The following KCNH1 variants were observed in gnomAD, a reference collection of about 807,000 sequenced individuals.
The protein encoded by KCNH1 is voltage-gated delayed rectifier potassium channel KCNH1.
In KCNH1, 27 loss-of-function variants were observed where a neutral mutation model predicts 69.2. The ratio of observed to expected loss-of-function variants is 0.39; its 90% CI spans 0.29 to 0.54. KCNH1 has a LOEUF of 0.54. KCNH1 is among the 20% of genes least tolerant of loss of function. The pLI, the probability that KCNH1 is intolerant of heterozygous loss-of-function variation, is 0.68. For missense variants in KCNH1, 798 were observed against 1,261.6 expected (o/e 0.63, Z 5.57); for synonymous variants, 456 against 487.7 (o/e 0.93, Z 0.86).
At chr1:211,088,721 A>G (rs1052065909) in intron 4 of KCNH1, among the ~76,000 whole-genome samples, 10 of 152,196 alleles carry the variant, frequency 6.6e-5, no homozygotes, top group Admixed American at 2.0e-4. Flanking sequence ...TTTATGAATC[A>G]AGCCACAAGT....
chr1:210,845,663 T>C (rs1685526381), intron 7 of KCNH1, among the ~76,000 whole-genome samples: 1 of 152,142 alleles, frequency 6.6e-6, no homozygotes, highest in African/African-American at 2.4e-5. Flanking sequence ...CTTTCAAAAC[T>C]GGCACAACAC....
intron 7 of KCNH1, among the ~76,000 whole-genome samples, chr1:210,902,605 T>C (rs1463430281): frequency 1.3e-5 from 2 of 152,154 alleles, no homozygotes; most frequent in Non-Finnish European, 2.9e-5. Flanking sequence ...TGGCTGAAAG[T>C]GGTGGTTTCA....
chr1:210,694,057 C>G (rs1456114205), intron 10 of KCNH1, among the ~76,000 whole-genome samples: 1 of 152,180 alleles, frequency 6.6e-6, no homozygotes, highest in Non-Finnish European at 1.5e-5. Context: ...ATCTTTGAAC[C>G]TCTCCCTACT....
chr1:210,709,854 C>T (rs1031135366), intron 10 of KCNH1, among the ~76,000 whole-genome samples: 3 of 152,116 alleles, frequency 2.0e-5, no homozygotes, highest in Admixed American at 6.5e-5. Context: ...AGATACTATT[C>T]GTCTGTACCG....
intron 10 of KCNH1, among the ~76,000 whole-genome samples, chr1:210,703,936 C>CAAAG (rs1681842073): frequency 6.6e-6 from 1 of 152,146 alleles, no homozygotes; most frequent in African/African-American, 2.4e-5. Context: ...TGTCAGTATT[C>CAAAG]AAAGATGGTG....
At chr1:211,015,593 G>A (rs1571580280) in intron 6 of KCNH1, among the ~76,000 whole-genome samples, 1 of 152,174 alleles carries the variant, frequency 6.6e-6, no homozygotes, top group Non-Finnish European at 1.5e-5. Context: ...TAAGCTTCTG[G>A]AGGTAAGACT....
At chr1:210,904,735 C>T (rs1482148255) in intron 7 of KCNH1, among the ~76,000 whole-genome samples, 1 of 152,138 alleles carries the variant, frequency 6.6e-6, no homozygotes, top group South Asian at 2.1e-4. Context: ...AGCAATAACT[C>T]CAGCAGTTAT....
At chr1:211,091,229 T>G (rs1212880898) in intron 3 of KCNH1, among the ~76,000 whole-genome samples, 1 of 152,194 alleles carries the variant, frequency 6.6e-6, no homozygotes, top group Non-Finnish European at 1.5e-5. Context: ...ACTCCCAGGC[T>G]GGAGTACAAT....
chr1:210,737,821 A>G (rs1014128110), intron 10 of KCNH1, among the ~76,000 whole-genome samples: 1 of 152,226 alleles, frequency 6.6e-6, no homozygotes, highest in East Asian at 1.9e-4. Context: ...ACTTAGACTA[A>G]GTCACCATTG....
intron 7 of KCNH1, among the ~76,000 whole-genome samples, chr1:210,863,927 G>A (rs1046741773): frequency 1.3e-5 from 2 of 152,166 alleles, no homozygotes; most frequent in African/African-American, 2.4e-5. Flanking sequence ...TGGAGCTCCC[G>A]ATCATACAAG....
chr1:211,074,097 TAAAAAAAAA>T (rs59971801), intron 5 of KCNH1, among the ~76,000 whole-genome samples: 24 of 119,736 alleles, frequency 2.0e-4, no homozygotes, highest in South Asian at 2.8e-4. Flanking sequence ...TTCCACCAAT[TAAAAAAAAA>T]AAAAAAAAAA....
intron 6 of KCNH1, among the ~76,000 whole-genome samples, chr1:211,012,304 C>T (rs1571577386): frequency 6.6e-6 from 1 of 152,094 alleles, no homozygotes; most frequent in African/African-American, 2.4e-5. Context: ...GGGGTCTCAC[C>T]TCCTGTCCAC....
intron 7 of KCNH1, among the ~76,000 whole-genome samples, chr1:210,810,976 C>G (rs1044957196): frequency 6.6e-6 from 1 of 152,138 alleles, no homozygotes; most frequent in African/African-American, 2.4e-5. Context: ...TTGAAGAATC[C>G]ATGATGCTAC....
Position 210,682,285 on chromosome 1 carries a change from A to G in KCNH1, c.*996T>C, listed in dbSNP as rs564945205. On this transcript the variant is annotated 3_prime_UTR_variant, in exon 11 of 11. Coordinates refer to ENST00000271751, the MANE Select transcript of KCNH1 (RefSeq NM_172362.3). Reference sequence around the variant, plus strand: ...TACAAAGGTCTGCAGGGCAATCCCAATGAGAATCAAAGTATAAACATAGCA... The same window carrying G: ...TACAAAGGTCTGCAGGGCAATCCCAGTGAGAATCAAAGTATAAACATAGCA... 2 of 152,300 alleles carry G rather than the reference A, an allele frequency of 1.3e-5. No individual in the cohort carries two copies. The highest frequency in any genetic ancestry group is 4.2e-4 in the South Asian group (2 of 4,816). 9.4% of individuals were successfully genotyped at this position (152,300 alleles called of 1,614,324 possible).
At chr1:210,941,260 T>G (rs1247519160) in intron 6 of KCNH1, among the ~76,000 whole-genome samples, 1 of 152,182 alleles carries the variant, frequency 6.6e-6, no homozygotes, top group Non-Finnish European at 1.5e-5. Flanking sequence ...AAAGCACACA[T>G]TCCCCCCACA....
At chr1:210,778,628 C>T (rs1574250415) in intron 9 of KCNH1, among the ~76,000 whole-genome samples, 1 of 152,044 alleles carries the variant, frequency 6.6e-6, no homozygotes, top group Non-Finnish European at 1.5e-5. Flanking sequence ...CACTTCCTTC[C>T]CTGAAAGAAT....
chr1:210,696,847 G>A (rs1681652945), intron 10 of KCNH1, among the ~76,000 whole-genome samples: 1 of 152,202 alleles, frequency 6.6e-6, no homozygotes, highest in African/African-American at 2.4e-5. Flanking sequence ...AGGGGGCAGA[G>A]TTTTATCCAA....
rs962983103 is a variant in KCNH1 at position 210,846,467 on chromosome 1, C to G, written c.1463-42301G>C. Among the ~76,000 whole-genome samples, 25 of 152,128 alleles carry G rather than the reference C, an allele frequency of 1.6e-4. 1 individual carries two copies. In the South Asian group the frequency reaches 4.8e-3, roughly 29 times the overall value. On this transcript the variant is annotated intron_variant, in intron 7 of 10. Coordinates refer to ENST00000271751, the MANE Select transcript of KCNH1 (RefSeq NM_172362.3). ...TGATCTTTGACAAACCTGAGAAAAACAAGCAATGGGGAAAGGATTCCCTAT... is the reference window on the plus strand; with the variant it reads ...TGATCTTTGACAAACCTGAGAAAAAGAAGCAATGGGGAAAGGATTCCCTAT...
chr1:210,911,714 G>C (rs1356940728), intron 7 of KCNH1, among the ~76,000 whole-genome samples: 1 of 151,882 alleles, frequency 6.6e-6, no homozygotes, highest in Non-Finnish European at 1.5e-5. Flanking sequence ...TTATCGGTTG[G>C]CATTCCATCA....
Sources: allele counts gnomAD v4.1 joint callset (sites outside exome capture counted in the v4.1 genomes callset), GRCh38; gene constraint gnomAD v4.1.1; transcripts MANE v1.5; gene names NCBI Gene and HGNC (gene_info 2026-07-23, HGNC 2026-07-21).